Variants in ODAM observed in about 807,000 individuals in gnomAD.
ODAM encodes odontogenic ameloblast-associated protein.
Under a neutral mutation model 48.5 loss-of-function variants are expected in ODAM, and 55 were observed. The observed-to-expected ratio is 1.13, with a 90% confidence interval of 0.91 to 1.42. ODAM has a LOEUF of 1.42. ODAM is among the 40% of genes most tolerant of loss of function. ODAM has a pLI of 0.00. For missense variants in ODAM, 353 were observed against 323.6 expected (o/e 1.09, Z -0.70); for synonymous variants, 127 against 107.8 (o/e 1.18, Z -1.10).
At chr4:70,203,643 C>T (rs1172692065) in intron 11 of ODAM, among the ~76,000 whole-genome samples, 1 of 151,748 alleles carries the variant, frequency 6.6e-6, no homozygotes, top group African/African-American at 2.4e-5. Context: ...TTTCAAATTC[C>T]ATGACTTTTA....
At position 70,202,270 on chromosome 4, in the gene ODAM, G is replaced by A. The variant is rs149753125; in HGVS notation, c.589G>A (p.Gly197Arg). The change falls in exon 9 of 12, where the codon GGA becomes AGA. Residue 197 changes from glycine to arginine, a missense_variant. Transcript: ENST00000683306. ...PQLAEPAISG[G>R]QQQLAFDPQL... ...TTTGTGTTTTTAGGCTATATCAGGA[G>A]GACAGCAGCAACTAGCTTTTGATCC... 5.0e-6 allele frequency: 8 copies of A among 1,611,492 alleles called. No individual in the cohort carries two copies. Among genetic ancestry groups the A allele is most frequent in the Non-Finnish European group, 6.8e-6 (8 of 1,178,410 alleles).
chr4:70,202,217 G>A (rs200485153), intron 8 of ODAM, 41 bp from the exon 9 acceptor site: 88 of 1,491,634 alleles, frequency 5.9e-5, no homozygotes, highest in Admixed American at 4.5e-4. Context: ...TATTTTCAAC[G>A]ATCACTGATT....
intron 11 of ODAM, 83 bp from the exon 12 acceptor site, chr4:70,204,092 A>C (rs1729565141): frequency 6.6e-6 from 1 of 152,006 alleles, no homozygotes; most frequent in Admixed American, 6.6e-5. Context: ...CTATTTCTTT[A>C]ATAAGCAATT....
Position 70,198,621 on chromosome 4 carries a change from G to T in ODAM, c.418G>T (p.Gly140Ter). 1 of 1,604,896 alleles carries T rather than the reference G, an allele frequency of 6.2e-7. No homozygotes were observed. The highest frequency in any genetic ancestry group is 1.3e-5 in the African/African-American group (1 of 74,324). Residue 140 changes from glycine (G) to a stop codon, truncating the protein, a stop_gained, in exon 6 of 12, where the codon GGA becomes TGA. Transcript: ENST00000683306. LOFTEE classifies it high-confidence loss of function. ...CTCCTTCAAAATGCCTCAAGAGCAAGGACAGGTAAATGGATATAACAACAC... is the reference window on the plus strand; with the variant it reads ...CTCCTTCAAAATGCCTCAAGAGCAATGACAGGTAAATGGATATAACAACAC... ...VFSFKMPQEQGQMFQYYPVYM... is the reference protein window; with the variant it reads ...VFSFKMPQEQ
intron 7 of ODAM, among the ~76,000 whole-genome samples, chr4:70,201,083 G>C (rs1274405283): frequency 6.6e-6 from 1 of 151,806 alleles, no homozygotes; most frequent in Non-Finnish European, 1.5e-5. Flanking sequence ...ATAAATTCAG[G>C]TGGCTCATAT....
At chr4:70,200,778 C>T (rs1729478593) in intron 7 of ODAM, among the ~76,000 whole-genome samples, 177 bp downstream of exon 7, 1 of 151,868 alleles carries the variant, frequency 6.6e-6, no homozygotes, top group African/African-American at 2.4e-5. Context: ...TTTGTGTAAA[C>T]TTATTTGGTA....
Position 70,197,934 on chromosome 4 carries a change from A to G in ODAM, c.152A>G (p.Asn51Ser), listed in dbSNP as rs760548673. 9.3e-6 allele frequency: 15 copies of G among 1,612,798 alleles called. No individual in the cohort carries two copies. The highest frequency in any genetic ancestry group is 1.0e-5 in the Non-Finnish European group (12 of 1,179,358). The change falls in exon 5 of 12, where the codon AAT (asparagine) becomes AGT (serine). Residue 51 changes from asparagine (N) to serine (S), a missense_variant. Asn to Ser is a conservative substitution (Grantham distance 46). Transcript: ENST00000683306. ...TTTGTGTCTTTTTAGGGCCCACTTAATTCATGGATTCCACCTTTCTCTGGA... is the reference window on the plus strand; with the variant it reads ...TTTGTGTCTTTTTAGGGCCCACTTAGTTCATGGATTCCACCTTTCTCTGGA... ...LLPLQLQGPL[N>S]SWIPPFSGIL... is the part of the protein sequence containing the mutation.
rs1285453929 is a variant in ODAM at position 70,195,799 on chromosome 4, A to G, written c.-16+6A>G. 3 of 981,328 alleles carry G rather than the reference A, an allele frequency of 3.1e-6. No individual in the cohort carries two copies. The highest frequency in any genetic ancestry group is 3.6e-6 in the Non-Finnish European group (3 of 826,290). 60.8% of individuals were successfully genotyped at this position (981,328 alleles called of 1,614,324 possible). On this transcript the variant is annotated splice_donor_region_variant and intron_variant, in intron 1 of 11. Transcript: ENST00000683306. ...TTTTTAGGTCCAGGAGTAAGGTAAG[A>G]TATCAAATCTTTGCTTTTATAGTTT... is the stretch of plus-strand genomic sequence containing the variant.
At chr4:70,201,525 TA>T (rs1252642131) in intron 8 of ODAM, 24 bp downstream of exon 8, 6 of 1,287,658 alleles carry the variant, frequency 4.7e-6, no homozygotes, top group Non-Finnish European at 5.6e-6. Flanking sequence ...TATTTTTCAT[TA>T]AAAATATTTT....
intron 6 of ODAM, chr4:70,200,150 G>T (rs1184384404): frequency 2.3e-6 from 1 of 443,392 alleles, no homozygotes; most frequent in South Asian, 1.6e-5. Context: ...AAAATATAGG[G>T]TAAGTGCTAC....
rs781297632 is a variant in ODAM at position 70,200,459 on chromosome 4, T to C, written c.424-38T>C. 3.5e-6 allele frequency: 4 copies of C among 1,139,598 alleles called. No individual in the cohort carries two copies. The South Asian group carries it at 5.3e-5, about 15-fold the overall frequency. 70.6% of individuals were successfully genotyped at this position (1,139,598 alleles called of 1,614,324 possible). On this transcript the variant is annotated intron_variant, in intron 6 of 11. Coordinates refer to ENST00000683306, the MANE Select transcript of ODAM (RefSeq NM_017855.4). ...ATAAAAAGTATGTCCTATGCTGATTTAATGGAATCTCTTGTATCCTTCTCT... is the reference window on the plus strand; with the variant it reads ...ATAAAAAGTATGTCCTATGCTGATTCAATGGAATCTCTTGTATCCTTCTCT...
intron 8 of ODAM, among the ~76,000 whole-genome samples, 159 bp downstream of exon 8, chr4:70,201,660 G>A (rs969683747): frequency 4.0e-5 from 6 of 151,898 alleles, no homozygotes; most frequent in Admixed American, 6.6e-5. Flanking sequence ...GAACACACAC[G>A]TGGGGATTCT....
chr4:70,198,817 A>G (rs1729436485), intron 6 of ODAM, among the ~76,000 whole-genome samples, 191 bp downstream of exon 6: 1 of 152,034 alleles, frequency 6.6e-6, no homozygotes. Context: ...CCTTAAGGAC[A>G]GGCAGCTAAG....
rs1560483835 is a variant in ODAM at position 70,200,130 on chromosome 4, A to G, written c.424-367A>G. On this transcript the variant is annotated intron_variant, in intron 6 of 11. Transcript: ENST00000683306. Reference sequence around the variant, plus strand: ...ATCTAATACCACATTCTGCAGAATGATGATTCTCAAAAATATAGGGTAAGT... The same window carrying G: ...ATCTAATACCACATTCTGCAGAATGGTGATTCTCAAAAATATAGGGTAAGT... 3 of 446,858 alleles carry G rather than the reference A, an allele frequency of 6.7e-6. No homozygotes were observed. In the Admixed American group the frequency reaches 7.5e-5, roughly 11 times the overall value. The allele number at this position is 446,858 out of a possible 1,614,324, so 27.7% of individuals were successfully genotyped here. A position where few individuals can be genotyped will look rare whatever the true frequency, so the allele number is the denominator to read the frequency against.
At chr4:70,201,980 A>T (rs1410009782) in intron 8 of ODAM, among the ~76,000 whole-genome samples, 1 of 151,592 alleles carries the variant, frequency 6.6e-6, no homozygotes, top group Non-Finnish European at 1.5e-5. Flanking sequence ...TGTTTTTTCC[A>T]CCCCTTCTGA....
chr4:70,203,227 C>A lies in ODAM; in HGVS notation c.*29+13C>A. 1 of 1,493,088 alleles carries A rather than the reference C, an allele frequency of 6.7e-7. No homozygotes were observed. The highest frequency in any genetic ancestry group is 9.3e-7 in the Non-Finnish European group (1 of 1,073,472). 92.5% of individuals were successfully genotyped at this position (1,493,088 alleles called of 1,614,324 possible). ...TTCAGACATTTTGGTAGGTATTTGC[C>A]AAAGTCAAGAATTAGGTGCCACGAC... On this transcript the variant is annotated intron_variant, in intron 11 of 11. Transcript: ENST00000683306.
intron 1 of ODAM, 81 bp from the exon 2 acceptor site, chr4:70,196,448 T>A (rs1729364761): frequency 1.4e-6 from 1 of 729,794 alleles, no homozygotes; most frequent in Non-Finnish European, 2.2e-6. Context: ...AGCTATTCCT[T>A]TGATTGAACA....
At chr4:70,197,511 C>G (rs1021167518) in intron 4 of ODAM, among the ~76,000 whole-genome samples, 190 bp downstream of exon 4, 6 of 151,954 alleles carry the variant, frequency 3.9e-5, no homozygotes, top group Non-Finnish European at 7.4e-5. Flanking sequence ...TTGAACAACA[C>G]TTATTTATTG....
In ODAM at chr4:70,196,667, A is replaced by AT. The variant is rs542967672; in HGVS notation, c.52-16dup. Reference sequence around the variant, plus strand: ...CAATCCCTTCTTTTTACTATTTCTGATTTTTTTTTCATTTTTACTTTTAGC... The same window carrying AT: ...CAATCCCTTCTTTTTACTATTTCTGATTTTTTTTTTCATTTTTACTTTTAGC... On this transcript the variant is annotated intron_variant, in intron 2 of 11. Coordinates refer to ENST00000683306, the MANE Select transcript of ODAM (RefSeq NM_017855.4). The AT allele has an allele frequency of 1.5e-3, 2,399 of 1,557,772 alleles. 3 individuals are homozygous for AT. The highest frequency in any genetic ancestry group is 3.0e-3 in the Admixed American group (173 of 58,294).
Sources: allele counts gnomAD v4.1 joint callset (sites outside exome capture counted in the v4.1 genomes callset), GRCh38; gene constraint gnomAD v4.1.1; transcripts MANE v1.5; gene names NCBI Gene and HGNC (gene_info 2026-07-23, HGNC 2026-07-21).